CORO1B: variants seen among roughly 807,000 people sequenced by gnomAD.
CORO1B encodes the protein coronin 1B, also known as coronin-1B.
CORO1B carries 30 observed loss-of-function variants against 51.1 expected under a neutral mutation model. That is an observed-to-expected ratio of 0.59 (90% CI 0.44 to 0.80). The LOEUF (loss-of-function observed/expected upper bound fraction) is 0.80, where lower values mean the gene tolerates loss of function less well. Among genes scored for constraint, CORO1B ranks in the 30% least tolerant of loss-of-function variants. CORO1B has a pLI of 0.00. For synonymous variants in CORO1B, 310 were observed against 289.7 expected (o/e 1.07, Z -0.71); for missense variants, 648 against 700.4 (o/e 0.93, Z 0.84).
chr11:67,436,179 G>T lies in CORO1B; in HGVS notation c.*2197C>A. On this transcript the variant is annotated 3_prime_UTR_variant, in exon 11 of 11. Coordinates refer to ENST00000341356, the MANE Select transcript of CORO1B (RefSeq NM_020441.3). ...GGGTGGTAGTAGCCCCCTGAGTCACGGCTGAGGCGGCGCCAGGCCAGTGCT... is the reference window on the plus strand; with the variant it reads ...GGGTGGTAGTAGCCCCCTGAGTCACTGCTGAGGCGGCGCCAGGCCAGTGCT... The T allele has an allele frequency of 6.4e-7, 1 of 1,556,568 alleles. No individual in the cohort carries two copies. The highest frequency in any genetic ancestry group is 8.7e-7 in the Non-Finnish European group (1 of 1,151,700).
At chr11:67,443,489 A>G (rs1267944275), upstream of CORO1B, 1 of 984,636 alleles carries the variant, frequency 1.0e-6, no homozygotes, top group Non-Finnish European at 1.2e-6. Flanking sequence ...AGCAGGATTC[A>G]GGAAGTGACA....
At position 67,436,256 on chromosome 11, in the gene CORO1B, G is replaced by A. The variant is rs1864271874; in HGVS notation, c.*2120C>T. 7 of 1,545,204 alleles carry A rather than the reference G, an allele frequency of 4.5e-6. No individual in the cohort carries two copies. In the Middle Eastern group the frequency reaches 1.0e-3, roughly 226 times the overall value. On this transcript the variant is annotated 3_prime_UTR_variant, in exon 11 of 11. Coordinates refer to ENST00000341356, the MANE Select transcript of CORO1B (RefSeq NM_020441.3). ...CAGCAGCAGCAGGACAACGGTGACA[G>A]AGCTGGAGCCCACGCTGTCCTCCGC...
chr11:67,438,236 CTGGGACGGGTGGGGG>C lies in CORO1B; in HGVS notation c.*125_*139del. The stretch of plus-strand genomic sequence containing the variant: ...GCTGGGCGCTGGCTTCGGCCTGGGC[CTGGGACGGGTGGGGG>C]TGGGAACTGACCCCTGCGCTGCCTC... On this transcript the variant is annotated 3_prime_UTR_variant, in exon 11 of 11. Coordinates refer to ENST00000341356, the MANE Select transcript of CORO1B (RefSeq NM_020441.3). 1 of 1,099,952 alleles carries C rather than the reference CTGGGACGGGTGGGGG, an allele frequency of 9.1e-7. No homozygotes were observed. Among genetic ancestry groups the C allele is most frequent in the Non-Finnish European group, 1.3e-6 (1 of 780,198 alleles). 68.1% of individuals were successfully genotyped at this position (1,099,952 alleles called of 1,614,324 possible).
chr11:67,443,367 C>T, intron 1 of CORO1B, 37 bp downstream of exon 1: 1 of 601,052 alleles, frequency 1.7e-6, no homozygotes, highest in Non-Finnish European at 2.1e-6. Context: ...GCCCAGCCCC[C>T]AGCCCGCGCC....
rs1211818909 is a variant in CORO1B at position 67,441,438 on chromosome 11, G to T, written c.531C>A (p.Asp177Glu). The change falls in exon 5 of 11, where the codon GAC becomes GAA. Residue 177 changes from aspartate (D) to glutamate (E), a missense_variant. Physicochemically the swap from Asp to Glu is conservative, Grantham distance 45. Coordinates refer to ENST00000341356, the MANE Select transcript of CORO1B (RefSeq NM_020441.3). Reference protein sequence around the residue: ...ELYRLDSLHPDLIYNVSWNHN... With the variant: ...ELYRLDSLHPELIYNVSWNHN... Reference sequence around the variant, plus strand: ...GGTTCCAGCTGACATTGTAGATGAGGTCAGGGTGCAGGCTGTCCAGGCGGT... The same window carrying T: ...GGTTCCAGCTGACATTGTAGATGAGTTCAGGGTGCAGGCTGTCCAGGCGGT... 6.2e-6 allele frequency: 10 copies of T among 1,613,830 alleles called. No homozygotes were observed. The South Asian group carries it at 1.1e-4, about 18-fold the overall frequency.
chr11:67,436,254 C>T lies in CORO1B; in HGVS notation c.*2122G>A, dbSNP rs1303514641. On this transcript the variant is annotated 3_prime_UTR_variant, in exon 11 of 11. Transcript: ENST00000341356. ...AGCAGCAGCAGCAGGACAACGGTGA[C>T]AGAGCTGGAGCCCACGCTGTCCTCC... 2 of 1,545,144 alleles carry T rather than the reference C, an allele frequency of 1.3e-6. No individual in the cohort carries two copies. The highest frequency in any genetic ancestry group is 1.7e-6 in the Non-Finnish European group (2 of 1,149,356).
chr11:67,436,278 C>A lies in CORO1B; in HGVS notation c.*2098G>T. 1 of 1,539,136 alleles carries A rather than the reference C, an allele frequency of 6.5e-7. No homozygotes were observed. The highest frequency in any genetic ancestry group is 8.7e-7 in the Non-Finnish European group (1 of 1,146,764). On this transcript the variant is annotated 3_prime_UTR_variant, in exon 11 of 11. Transcript: ENST00000341356. Reference sequence around the variant, plus strand: ...ACAGAGCTGGAGCCCACGCTGTCCTCCGCGCTGCCACCCGAGCCCAAGGCC... The same window carrying A: ...ACAGAGCTGGAGCCCACGCTGTCCTACGCGCTGCCACCCGAGCCCAAGGCC...
rs377105251 is a variant in CORO1B at position 67,441,425 on chromosome 11, C to T, written c.544G>A (p.Val182Ile). ...AGGCTGCCATTGTGGTTCCAGCTGA[C>T]ATTGTAGATGAGGTCAGGGTGCAGG... ...DSLHPDLIYN[V>I]SWNHNGSLFC... Residue 182 changes from valine (V) to isoleucine (I), a missense_variant, in exon 5 of 11, where the codon GTC (valine) becomes ATC (isoleucine). By Grantham distance (29) the Val-to-Ile change is conservative (BLOSUM62 3). Transcript: ENST00000341356. The T allele has an allele frequency of 6.2e-7, 1 of 1,613,946 alleles. No individual in the cohort carries two copies. The highest frequency in any genetic ancestry group is 8.5e-7 in the Non-Finnish European group (1 of 1,180,042).
rs745647442 is a variant in CORO1B at position 67,438,401 on chromosome 11, C to T, written c.1445G>A (p.Gly482Asp). The change falls in exon 11 of 11, where the codon GGC becomes GAC. Residue 482 changes from glycine to aspartate, a missense_variant. Gly to Asp is a moderately conservative substitution (Grantham distance 94). Transcript: ENST00000341356. ...CTACGCATCCCCGTTCTCCATGCGG[C>T]CCAGCTGCTCCTCCAGGCGGCAGAT... is the stretch of plus-strand genomic sequence containing the variant. ...DRICRLEEQLGRMENGDA is the reference protein window; with the variant it reads ...DRICRLEEQLDRMENGDA 1.2e-6 allele frequency: 2 copies of T among 1,608,836 alleles called. No homozygotes were observed. Among genetic ancestry groups the T allele is most frequent in the African/African-American group, 2.7e-5 (2 of 74,906 alleles).
chr11:67,443,402 A>T lies in CORO1B; in HGVS notation c.-3+2T>A. ...CCCTAGCCCCGGCCCTGCCGCGCTCACCGGGGGCACCGGGGGCGCAGGGGG... is the reference window on the plus strand; with the variant it reads ...CCCTAGCCCCGGCCCTGCCGCGCTCTCCGGGGGCACCGGGGGCGCAGGGGG... On this transcript the variant is annotated splice_donor_variant, in intron 1 of 10. Coordinates refer to ENST00000341356, the MANE Select transcript of CORO1B (RefSeq NM_020441.3). LOFTEE classifies it low-confidence loss of function (5UTR_SPLICE). 1.1e-6 allele frequency: 1 copy of T among 949,160 alleles called. No homozygotes were observed. Among genetic ancestry groups the T allele is most frequent in the Non-Finnish European group, 1.3e-6 (1 of 796,686 alleles). The allele number at this position is 949,160 out of a possible 1,614,324, so 58.8% of individuals were successfully genotyped here.
chr11:67,439,803 T>C lies in CORO1B; in HGVS notation c.1048A>G (p.Met350Val), dbSNP rs757627508. ...LHERKCEPIV[M>V]TVPRKSDLFQ... ...GGCCTCACCTTTCTTGGCACAGTCA[T>C]GACGATGGGCTCACACTTGCGCTCA... The change falls in exon 9 of 11, where the codon ATG becomes GTG. Residue 350 changes from methionine to valine, a missense_variant. Met to Val is a conservative substitution (Grantham distance 21). Transcript: ENST00000341356. 2.5e-6 allele frequency: 4 copies of C among 1,590,170 alleles called. No individual in the cohort carries two copies. Among genetic ancestry groups the C allele is most frequent in the South Asian group, 1.1e-5 (1 of 87,208 alleles).
At chr11:67,440,097 T>A in intron 8 of CORO1B, 21 bp downstream of exon 8, 1 of 1,595,528 alleles carries the variant, frequency 6.3e-7, no homozygotes, top group African/African-American at 1.3e-5. Flanking sequence ...TATCCCCGAG[T>A]GGCCTCGGTA....
rs201718860 is a variant in CORO1B at position 67,442,573 on chromosome 11, G to C, written c.56C>G (p.Pro19Arg). Residue 19 changes from proline (P) to arginine (R), a missense_variant, in exon 2 of 11, where the codon CCG (proline) becomes CGG (arginine). Coordinates refer to ENST00000341356, the MANE Select transcript of CORO1B (RefSeq NM_020441.3). ...QSKFRHVFGQ[P>R]VKNDQCYEDI... ...CTCATAGCACTGGTCGTTCTTGACC[G>C]GCTGCCCGAACACATGCCGGAATTT... is the stretch of plus-strand genomic sequence containing the variant. 1 of 1,613,820 alleles carries C rather than the reference G, an allele frequency of 6.2e-7. No homozygotes were observed.
At position 67,436,169 on chromosome 11, in the gene CORO1B, CCT is replaced by C. The variant is rs1415742189; in HGVS notation, c.*2205_*2206del. 1.8e-5 allele frequency: 28 copies of C among 1,562,844 alleles called. No homozygotes were observed. Among genetic ancestry groups the C allele is most frequent in the Non-Finnish European group, 2.3e-5 (27 of 1,154,448 alleles). On this transcript the variant is annotated 3_prime_UTR_variant, in exon 11 of 11. Transcript: ENST00000341356. ...TAGGCGGGCCGGGTGGTAGTAGCCC[CCT>C]GAGTCACGGCTGAGGCGGCGCCAGG...
chr11:67,441,055 G>T (rs764005750), intron 6 of CORO1B, 70 bp downstream of exon 6: 14 of 1,609,536 alleles, frequency 8.7e-6, no homozygotes, highest in Non-Finnish European at 1.1e-5. Context: ...CCTCCCCAGG[G>T]TGAACCCTGC....
At position 67,436,259 on chromosome 11, in the gene CORO1B, C is replaced by T; in HGVS notation, c.*2117G>A. The T allele has an allele frequency of 6.5e-7, 1 of 1,544,510 alleles. No homozygotes were observed. The highest frequency in any genetic ancestry group is 8.7e-7 in the Non-Finnish European group (1 of 1,149,106). On this transcript the variant is annotated 3_prime_UTR_variant, in exon 11 of 11. Transcript: ENST00000341356. ...CAGCAGCAGGACAACGGTGACAGAGCTGGAGCCCACGCTGTCCTCCGCGCT... is the reference window on the plus strand; with the variant it reads ...CAGCAGCAGGACAACGGTGACAGAGTTGGAGCCCACGCTGTCCTCCGCGCT...
Position 67,435,650 on chromosome 11 carries a change from G to C in CORO1B, c.*2726C>G, listed in dbSNP as rs1377741943. On this transcript the variant is annotated 3_prime_UTR_variant, in exon 11 of 11. Coordinates refer to ENST00000341356, the MANE Select transcript of CORO1B (RefSeq NM_020441.3). The stretch of plus-strand genomic sequence containing the variant: ...TGAGGCATGGTCATGTGGGCTGGGG[G>C]TCCAGTCCAGCCATGGCATCTTGGG... 5 of 1,481,884 alleles carry C rather than the reference G, an allele frequency of 3.4e-6. No homozygotes were observed. The East Asian group carries it at 1.2e-4, about 34-fold the overall frequency. The allele number at this position is 1,481,884 out of a possible 1,614,324, so 91.8% of individuals were successfully genotyped here. A position where few individuals can be genotyped will look rare whatever the true frequency, so the allele number is the denominator to read the frequency against.
chr11:67,437,652 C>T lies in CORO1B; in HGVS notation c.*724G>A. 7.3e-7 allele frequency: 1 copy of T among 1,360,608 alleles called. No homozygotes were observed. The highest frequency in any genetic ancestry group is 2.8e-5 in the East Asian group (1 of 36,154). 84.3% of individuals were successfully genotyped at this position (1,360,608 alleles called of 1,614,324 possible). ...CAGGCCCCTCCGTGCCGGGCACCCA[C>T]CTCCAGCTCTGGCTGTGTCGAGCGA... is the stretch of plus-strand genomic sequence containing the variant. On this transcript the variant is annotated 3_prime_UTR_variant, in exon 11 of 11. Coordinates refer to ENST00000341356, the MANE Select transcript of CORO1B (RefSeq NM_020441.3).
At chr11:67,442,763 C>T in intron 1 of CORO1B, 133 bp from the exon 2 acceptor site, 6 of 850,034 alleles carry the variant, frequency 7.1e-6, no homozygotes, top group Admixed American at 2.5e-5. Context: ...TCGGTTTACC[C>T]AGTTACAGAA....
Sources: gnomAD v4.1 joint callset for allele counts on GRCh38, gnomAD v4.1.1 for gene constraint, MANE v1.5 for transcripts, NCBI Gene and HGNC (gene_info 2026-07-23, HGNC 2026-07-21) for gene names.